LHFPL3: variants seen among roughly 807,000 people sequenced by gnomAD.
The protein encoded by LHFPL3 is LHFPL tetraspan subfamily member 3 protein.
LHFPL3 carries 5 observed loss-of-function variants against 19.3 expected under a neutral mutation model. The observed-to-expected ratio is 0.26, with a 90% CI of 0.14 to 0.54. LHFPL3 has a LOEUF of 0.54. LHFPL3 is among the 20% of genes least tolerant of loss of function. The pLI is 0.94. For missense variants in LHFPL3, 249 were observed against 307.4 expected (o/e 0.81, Z 1.42); for synonymous variants, 133 against 126.2 (o/e 1.05, Z -0.36).
intron 1 of LHFPL3, among the ~76,000 whole-genome samples, chr7:104,472,917 C>G (rs989140799): frequency 2.0e-5 from 3 of 152,144 alleles, no homozygotes; most frequent in African/African-American, 7.2e-5. Flanking sequence ...GATTTTGAGC[C>G]TGATCAGAAT....
intron 1 of LHFPL3, among the ~76,000 whole-genome samples, chr7:104,726,871 T>C (rs996396246): frequency 1.3e-5 from 2 of 152,202 alleles, no homozygotes; most frequent in Admixed American, 6.5e-5. Context: ...CTGGGTCAAA[T>C]GCTATTTCTG....
chr7:104,370,262 T>C (rs914002895), intron 1 of LHFPL3, among the ~76,000 whole-genome samples: 1 of 152,092 alleles, frequency 6.6e-6, no homozygotes, highest in Admixed American at 6.5e-5. Flanking sequence ...TCTGAGAGTG[T>C]AGGAAAAACT....
rs1794398406 is a variant in LHFPL3 at position 104,536,883 on chromosome 7, C to T, written c.446-199792C>T. 2.0e-5 allele frequency among the ~76,000 whole-genome samples: 3 copies of T among 152,314 alleles called. No individual in the cohort carries two copies. In the South Asian group the frequency reaches 6.2e-4, roughly 32 times the overall value. On this transcript the variant is annotated intron_variant, in intron 1 of 2. Coordinates refer to ENST00000424859, the MANE Select transcript of LHFPL3 (RefSeq NM_199000.3). ...CACAAAATTTCAATAACAGGCAACA[C>T]CACTAGGCTTCAGTGACCACTGATT...
chr7:104,340,137 T>A (rs1789918060), intron 1 of LHFPL3, among the ~76,000 whole-genome samples: 1 of 152,160 alleles, frequency 6.6e-6, no homozygotes, highest in Non-Finnish European at 1.5e-5. Context: ...CTAACTAATT[T>A]TGACTTTTCA....
At chr7:104,673,868 C>T (rs953017087) in intron 1 of LHFPL3, among the ~76,000 whole-genome samples, 2 of 152,182 alleles carry the variant, frequency 1.3e-5, no homozygotes, top group African/African-American at 2.4e-5. Flanking sequence ...CCTTTAACCA[C>T]TCTGTTGGAA....
chr7:104,636,357 C>T (rs1306964352), intron 1 of LHFPL3, among the ~76,000 whole-genome samples: 2 of 151,986 alleles, frequency 1.3e-5, no homozygotes, highest in Non-Finnish European at 2.9e-5. Flanking sequence ...CAATGAAACA[C>T]GATACCAAAA....
chr7:104,766,134 A>G (rs1339782040), intron 2 of LHFPL3, among the ~76,000 whole-genome samples: 1 of 152,250 alleles, frequency 6.6e-6, no homozygotes, highest in Non-Finnish European at 1.5e-5. Flanking sequence ...ATGCTAAAGT[A>G]GTTTCTGTGG....
chr7:104,503,063 G>A (rs538565293), intron 1 of LHFPL3, among the ~76,000 whole-genome samples: 108 of 151,540 alleles, frequency 7.1e-4, no homozygotes, highest in African/African-American at 2.5e-3. Context: ...AACAACATAC[G>A]CTTGCAAATA....
intron 1 of LHFPL3, among the ~76,000 whole-genome samples, chr7:104,439,314 C>A (rs1187846026): frequency 6.6e-6 from 1 of 151,926 alleles, no homozygotes; most frequent in Non-Finnish European, 1.5e-5. Flanking sequence ...CTAAAATAAC[C>A]CTGATAGCAA....
chr7:104,365,326 A>G (rs1790464271), intron 1 of LHFPL3, among the ~76,000 whole-genome samples: 1 of 151,324 alleles, frequency 6.6e-6, no homozygotes, highest in Non-Finnish European at 1.5e-5. Context: ...AAAAAAATAA[A>G]AAAGGAGGTG....
chr7:104,332,946 G>GAAAA (rs3080461), intron 1 of LHFPL3, among the ~76,000 whole-genome samples: 1 of 148,368 alleles, frequency 6.7e-6, no homozygotes. Flanking sequence ...TCTTCAGAAG[G>GAAAA]AAAAAAAAAA....
At chr7:104,897,943 C>A (rs945335887) in intron 2 of LHFPL3, among the ~76,000 whole-genome samples, 1 of 149,692 alleles carries the variant, frequency 6.7e-6, no homozygotes, top group Admixed American at 6.7e-5. Flanking sequence ...AGAATTAAAC[C>A]AGAATGGGAT....
At chr7:104,544,149 GA>G (rs1794539012) in intron 1 of LHFPL3, among the ~76,000 whole-genome samples, 1 of 151,754 alleles carries the variant, frequency 6.6e-6, no homozygotes, top group South Asian at 2.1e-4. Context: ...AGAGTAAATG[GA>G]ATTCAGTATA....
At chr7:104,566,435 C>T (rs759357527) in intron 1 of LHFPL3, among the ~76,000 whole-genome samples, 1 of 152,104 alleles carries the variant, frequency 6.6e-6, no homozygotes, top group African/African-American at 2.4e-5. Flanking sequence ...CCTCTCCTGA[C>T]AAGTCATTTT....
intron 1 of LHFPL3, among the ~76,000 whole-genome samples, chr7:104,736,324 G>A (rs1364017413): frequency 6.6e-6 from 1 of 152,048 alleles, no homozygotes; most frequent in Non-Finnish European, 1.5e-5. Flanking sequence ...GATTCCTTAT[G>A]ACCTATCTGT....
At chr7:104,666,607 C>T (rs1444688369) in intron 1 of LHFPL3, among the ~76,000 whole-genome samples, 6 of 133,584 alleles carry the variant, frequency 4.5e-5, no homozygotes, top group Non-Finnish European at 9.4e-5. Flanking sequence ...CTGCAAGCTC[C>T]GCCTCCCGGG....
At chr7:104,424,504 G>C (rs781737840) in intron 1 of LHFPL3, among the ~76,000 whole-genome samples, 1 of 152,162 alleles carries the variant, frequency 6.6e-6, no homozygotes, top group Non-Finnish European at 1.5e-5. Flanking sequence ...TATAAATGCA[G>C]ACTATCTGAA....
At chr7:104,572,457 A>C (rs1790247606) in intron 1 of LHFPL3, among the ~76,000 whole-genome samples, 1 of 152,144 alleles carries the variant, frequency 6.6e-6, no homozygotes, top group Non-Finnish European at 1.5e-5. Context: ...TCATGGACTT[A>C]ATTTTATGGC....
intron 1 of LHFPL3, among the ~76,000 whole-genome samples, chr7:104,393,389 A>G (rs1791117903): frequency 6.6e-6 from 1 of 152,118 alleles, no homozygotes; most frequent in Admixed American, 6.5e-5. Flanking sequence ...CACAAAGTAA[A>G]AAAAAAAATT....
Sources: allele counts gnomAD v4.1 joint callset (sites outside exome capture counted in the v4.1 genomes callset), GRCh38; gene constraint gnomAD v4.1.1; transcripts MANE v1.5; gene names NCBI Gene and HGNC (gene_info 2026-07-23, HGNC 2026-07-21).